GLT1D1: variants seen among roughly 807,000 people sequenced by gnomAD.
GLT1D1 encodes the protein glycosyltransferase 1 domain-containing protein 1.
Under a neutral mutation model 28.7 loss-of-function variants are expected in GLT1D1, and 21 were observed. The ratio of observed to expected loss-of-function variants is 0.73; its 90% CI spans 0.52 to 1.05. The LOEUF (loss-of-function observed/expected upper bound fraction) is 1.05, where lower values mean the gene tolerates loss of function less well. Ranked by LOEUF, GLT1D1 falls within the 50% of genes least tolerant of loss-of-function variation. The pLI, the probability that GLT1D1 is intolerant of heterozygous loss-of-function variation, is 0.00. For missense variants in GLT1D1, 343 were observed against 330.6 expected (o/e 1.04, Z -0.29); for synonymous variants, 147 against 124.8 (o/e 1.18, Z -1.19).
intron 4 of GLT1D1, among the ~76,000 whole-genome samples, chr12:128,929,322 G>A (rs1482312029): frequency 6.6e-6 from 1 of 152,192 alleles, no homozygotes; most frequent in African/African-American, 2.4e-5. Flanking sequence ...GGCTGCACTG[G>A]TCATCTCATG....
intron 1 of GLT1D1, among the ~76,000 whole-genome samples, chr12:128,862,344 A>C (rs1369138445): frequency 6.6e-6 from 1 of 151,256 alleles, no homozygotes; most frequent in Admixed American, 6.6e-5. Context: ...AAAAAAAAAA[A>C]AAACCACAAA....
chr12:128,970,312 C>T (rs752678299), intron 7 of GLT1D1, among the ~76,000 whole-genome samples: 5 of 152,176 alleles, frequency 3.3e-5, no homozygotes, highest in African/African-American at 9.7e-5. Flanking sequence ...CCAAGCCCGC[C>T]GCGCCCTCTC....
intron 2 of GLT1D1, among the ~76,000 whole-genome samples, chr12:128,878,320 C>T (rs1004872307): frequency 1.3e-5 from 2 of 152,200 alleles, no homozygotes; most frequent in Admixed American, 1.3e-4. Context: ...CCCATAGTGG[C>T]ACATACATAG....
intron 1 of GLT1D1, among the ~76,000 whole-genome samples, chr12:128,857,038 G>A (rs1566076462): frequency 1.3e-5 from 2 of 152,092 alleles, no homozygotes; most frequent in Non-Finnish European, 2.9e-5. Context: ...AGAAGCTTCA[G>A]GCAAAAAGGA....
intron 1 of GLT1D1, among the ~76,000 whole-genome samples, chr12:128,871,188 C>T (rs960873747): frequency 1.2e-4 from 18 of 152,230 alleles, no homozygotes; most frequent in South Asian, 4.1e-4. Context: ...TAGAGCTTTA[C>T]GAAGAACATA....
chr12:128,971,932 G>A (rs1879223310), intron 7 of GLT1D1, among the ~76,000 whole-genome samples: 1 of 140,654 alleles, frequency 7.1e-6, no homozygotes, highest in African/African-American at 2.7e-5. Flanking sequence ...AGTGAGCTCA[G>A]CCTTCTTTTG....
rs200010255 is a variant in GLT1D1 at position 128,957,577 on chromosome 12, G to A, written c.573G>A (p.Arg191=). 6.2e-5 allele frequency: 100 copies of A among 1,613,740 alleles called. No individual in the cohort carries two copies. The highest frequency in any genetic ancestry group is 1.6e-4 in the Middle Eastern group (1 of 6,084). Residue 191 remains arginine (R), a synonymous_variant, in exon 7 of 8, where the codon AGG becomes AGA. Transcript: ENST00000281703. ...ATTTAGAAGTACCGGTATTGGCCAG[G>A]AACATCCCCGGGAATGCTGCCGTGG...
At chr12:128,869,033 CTAATTTTATATTTTTAG>C (rs983364312) in intron 1 of GLT1D1, among the ~76,000 whole-genome samples, 17 of 152,182 alleles carry the variant, frequency 1.1e-4, no homozygotes, top group African/African-American at 3.9e-4. Context: ...CCACGCCCAG[CTAATTTTATATTTTTAG>C]TAGAGACGGG....
chr12:128,927,145 G>A (rs1044432865), intron 4 of GLT1D1: 5 of 1,535,060 alleles, frequency 3.3e-6, no homozygotes, highest in East Asian at 4.9e-5. Context: ...TGGTGATTGT[G>A]GGTCCTGAAG....
intron 2 of GLT1D1, 73 bp from the exon 3 acceptor site, chr12:128,888,566 C>A: frequency 2.1e-6 from 2 of 973,196 alleles, no homozygotes; most frequent in Admixed American, 2.1e-5. Context: ...TGTTTAAGAT[C>A]CTTGCTTGGG....
At chr12:128,854,089 C>T (rs895705520) in intron 1 of GLT1D1, among the ~76,000 whole-genome samples, 1 of 152,024 alleles carries the variant, frequency 6.6e-6, no homozygotes, top group African/African-American at 2.4e-5. Context: ...TGTGTGCCGG[C>T]GTCCGGGGTC....
chr12:128,862,492 C>G (rs553792170), intron 1 of GLT1D1, among the ~76,000 whole-genome samples: 1 of 152,118 alleles, frequency 6.6e-6, no homozygotes, highest in South Asian at 2.1e-4. Flanking sequence ...CCCATCTCTA[C>G]AAAACATACA....
intron 7 of GLT1D1, 35 bp downstream of exon 11, chr12:128,957,678 T>C: frequency 1.6e-6 from 2 of 1,279,940 alleles, no homozygotes; most frequent in Non-Finnish European, 2.3e-6. Flanking sequence ...TTCACTCACC[T>C]TATCTGAATA....
chr12:128,976,691 T>A (rs574371152), intron 7 of GLT1D1, among the ~76,000 whole-genome samples: 3 of 152,372 alleles, frequency 2.0e-5, no homozygotes, highest in Admixed American at 1.3e-4. Context: ...CAGAATGTAA[T>A]GCTCTTTAAA....
At chr12:128,857,655 A>G (rs1956255362) in intron 1 of GLT1D1, among the ~76,000 whole-genome samples, 1 of 152,178 alleles carries the variant, frequency 6.6e-6, no homozygotes, top group African/African-American at 2.4e-5. Context: ...AATCTCTGCC[A>G]AAGACCCCGG....
At chr12:128,973,190 T>G (rs1303254263) in intron 7 of GLT1D1, among the ~76,000 whole-genome samples, 2 of 124,090 alleles carry the variant, frequency 1.6e-5, no homozygotes, top group African/African-American at 2.9e-5. Flanking sequence ...TTTTTTTTTT[T>G]TTTTTTTTTT....
At chr12:128,929,989 A>G (rs7297674) in intron 4 of GLT1D1, among the ~76,000 whole-genome samples, 31,707 of 152,088 alleles carry the variant, frequency 0.21, 3,816 homozygotes, top group East Asian at 0.44. Context: ...ACAAACAAAC[A>G]AATAAAAACA....
At chr12:128,935,589 A>G (rs1874470044) in intron 4 of GLT1D1, among the ~76,000 whole-genome samples, 1 of 151,518 alleles carries the variant, frequency 6.6e-6, no homozygotes, top group African/African-American at 2.4e-5. Context: ...TAGATTGCCT[A>G]AAATGTCGCT....
At chr12:128,859,009 CA>C (rs1286863970) in intron 1 of GLT1D1, among the ~76,000 whole-genome samples, 1 of 152,146 alleles carries the variant, frequency 6.6e-6, no homozygotes, top group Non-Finnish European at 1.5e-5. Context: ...CTTTCTGAAC[CA>C]AACCAATGTA....
Sources: allele counts gnomAD v4.1 joint callset (sites outside exome capture counted in the v4.1 genomes callset), GRCh38; gene constraint gnomAD v4.1.1; transcripts MANE v1.5; gene names NCBI Gene and HGNC (gene_info 2026-07-23, HGNC 2026-07-21).